Variants in PLD3 observed in about 807,000 individuals in gnomAD.
PLD3 encodes 5'-3' exonuclease PLD3.
Under a neutral mutation model 58.4 loss-of-function variants are expected in PLD3, and 31 were observed. The ratio of observed to expected loss-of-function variants is 0.53; its 90% confidence interval spans 0.40 to 0.72. The LOEUF is 0.72. Ranked by LOEUF, PLD3 falls within the 30% of genes least tolerant of loss-of-function variation. The probability of loss-of-function intolerance (pLI) is 0.00; values close to 1 mark genes in which losing one functional copy is unlikely to be tolerated. For missense variants in PLD3, 595 were observed against 659.8 expected, an observed-to-expected ratio of 0.90 and a Z score of 1.08; for synonymous variants, 264 against 273.4, an observed-to-expected ratio of 0.97 and a Z score of 0.34.
chr19:40,378,250 C>A lies in PLD3; in HGVS notation c.*77C>A. 7.3e-7 allele frequency: 1 copy of A among 1,376,108 alleles called. No individual in the cohort carries two copies. The highest frequency in any genetic ancestry group is 1.0e-6 in the Non-Finnish European group (1 of 977,226). 85.2% of individuals were successfully genotyped at this position (1,376,108 alleles called of 1,614,324 possible). A position where few individuals can be genotyped will look rare whatever the true frequency, so the allele number is the denominator to read the frequency against. ...TGCTCTGGGTCACGGTCCCTGTCCC[C>A]GCGCCCCCGCTTCTGTCTGCCCCAT... On this transcript the variant is annotated 3_prime_UTR_variant, in exon 13 of 13. Coordinates refer to ENST00000409735, the MANE Select transcript of PLD3 (RefSeq NM_012268.4).
Position 40,378,284 on chromosome 19 carries a change from C to A in PLD3, c.*111C>A, listed in dbSNP as rs776382708. ...GCTTCTGTCTGCCCCATTGTGGCTC[C>A]TCAGGCTCTCTCCCCTGCTCTCCCA... On this transcript the variant is annotated 3_prime_UTR_variant, in exon 13 of 13. Transcript: ENST00000409735. 4.1e-6 allele frequency: 4 copies of A among 987,492 alleles called. No homozygotes were observed. Among genetic ancestry groups the A allele is most frequent in the Non-Finnish European group, 6.4e-6 (4 of 626,800 alleles). The allele number at this position is 987,492 out of a possible 1,614,324, so 61.2% of individuals were successfully genotyped here. A position where few individuals can be genotyped will look rare whatever the true frequency, so the allele number is the denominator to read the frequency against.
chr19:40,377,996 C>G lies in PLD3; in HGVS notation c.1296C>G (p.Asn432Lys), dbSNP rs1159080126. ...TERATYIGTS[N>K]WSGNYFTETA... Reference sequence around the variant, plus strand: ...CCCATTCCTCTCTAGGAACCTCCAACTGGTCTGGCAACTACTTCACGGAGA... The same window carrying G: ...CCCATTCCTCTCTAGGAACCTCCAAGTGGTCTGGCAACTACTTCACGGAGA... Residue 432 changes from asparagine to lysine, a missense_variant, in exon 13 of 13, where the codon AAC becomes AAG. Coordinates refer to ENST00000409735, the MANE Select transcript of PLD3 (RefSeq NM_012268.4). 1 of 1,612,470 alleles carries G rather than the reference C, an allele frequency of 6.2e-7. No homozygotes were observed. The highest frequency in any genetic ancestry group is 1.1e-5 in the South Asian group (1 of 90,930).
intron 1 of PLD3, among the ~76,000 whole-genome samples, chr19:40,353,823 C>G (rs976605288): frequency 1.3e-5 from 2 of 152,078 alleles, no homozygotes; most frequent in Admixed American, 1.3e-4. Context: ...CATGATCCGC[C>G]CGCCTTGGCC....
At position 40,376,760 on chromosome 19, in the gene PLD3, T is replaced by C. The variant is rs780587128; in HGVS notation, c.1171T>C (p.Ser391Pro). The C allele has an allele frequency of 3.0e-5, 48 of 1,599,722 alleles. No individual in the cohort carries two copies. In the Admixed American group the frequency reaches 7.8e-4, roughly 26 times the overall value. ...TGCCCTGCGTGACAACCATACCCAC[T>C]CTGACATCCAGGTGGTAAGTACTGC... ...LAALRDNHTH[S>P]DIQVKLFVVP... The change falls in exon 11 of 13, where the codon TCT (serine) becomes CCT (proline). Residue 391 changes from serine to proline, a missense_variant. Ser to Pro is a moderately conservative substitution (Grantham distance 74, BLOSUM62 -1). Transcript: ENST00000409735.
At position 40,378,242 on chromosome 19, in the gene PLD3, C is replaced by T. The variant is rs1349533469; in HGVS notation, c.*69C>T. On this transcript the variant is annotated 3_prime_UTR_variant, in exon 13 of 13. Transcript: ENST00000409735. The stretch of plus-strand genomic sequence containing the variant: ...GACCCAGGTGCTCTGGGTCACGGTC[C>T]CTGTCCCCGCGCCCCCGCTTCTGTC... 10 of 1,437,890 alleles carry T rather than the reference C, an allele frequency of 7.0e-6. No individual in the cohort carries two copies. The Admixed American group carries it at 1.5e-4, about 22-fold the overall frequency. 89.1% of individuals were successfully genotyped at this position (1,437,890 alleles called of 1,614,324 possible).
At position 40,374,524 on chromosome 19, in the gene PLD3, T is replaced by C. The variant is rs537053537; in HGVS notation, c.923T>C (p.Leu308Pro). Residue 308 changes from leucine (L) to proline (P), a missense_variant, in exon 10 of 13, where the codon CTG becomes CCG. By Grantham distance (98) the Leu-to-Pro change is moderately conservative. Transcript: ENST00000409735. ...PLCPSGRTPDLKALLNVVDNA... is the reference protein window; with the variant it reads ...PLCPSGRTPDPKALLNVVDNA... ...TGTCCAAGTGGCCGCACTCCAGACC[T>C]GAAGGCTCTACTCAACGTGGTGGAC... The C allele has an allele frequency of 6.8e-6, 11 of 1,614,056 alleles. No homozygotes were observed. Among genetic ancestry groups the C allele is most frequent in the Non-Finnish European group, 7.6e-6 (9 of 1,180,036 alleles).
In PLD3 at chr19:40,376,623, T is replaced by C. The variant is rs766309878; in HGVS notation, c.1034T>C (p.Ile345Thr). Reference sequence around the variant, plus strand: ...CCCGTCCTCAGGTTCTGGCCTGCCATTGACGATGGGCTGCGGCGGGCCACC... The same window carrying C: ...CCCGTCCTCAGGTTCTGGCCTGCCACTGACGATGGGCTGCGGCGGGCCACC... ...FSHPHRFWPA[I>T]DDGLRRATYE... The change falls in exon 11 of 13, where the codon ATT (isoleucine) becomes ACT (threonine). Residue 345 changes from isoleucine to threonine, a missense_variant. Coordinates refer to ENST00000409735, the MANE Select transcript of PLD3 (RefSeq NM_012268.4). 3 of 1,609,818 alleles carry C rather than the reference T, an allele frequency of 1.9e-6. No homozygotes were observed. The highest frequency in any genetic ancestry group is 2.5e-6 in the Non-Finnish European group (3 of 1,179,916).
In PLD3 at chr19:40,378,214, GCGGACCCAGGTGCTCTGGGTCA is replaced by G; in HGVS notation, c.*45_*66del. Reference sequence around the variant, plus strand: ...GCAGGCCAAGGCCTGCTGGGCCCCCGCGGACCCAGGTGCTCTGGGTCACGGTCCCTGTCCCCGCGCCCCCGCT... The same window carrying G: ...GCAGGCCAAGGCCTGCTGGGCCCCCGCGGTCCCTGTCCCCGCGCCCCCGCT... On this transcript the variant is annotated 3_prime_UTR_variant, in exon 13 of 13. Transcript: ENST00000409735. 1 of 1,572,340 alleles carries G rather than the reference GCGGACCCAGGTGCTCTGGGTCA, an allele frequency of 6.4e-7. No homozygotes were observed. Among genetic ancestry groups the G allele is most frequent in the Non-Finnish European group, 8.7e-7 (1 of 1,153,378 alleles).
At chr19:40,370,294 C>T in intron 8 of PLD3, 57 bp downstream of exon 8, 1 of 1,555,792 alleles carries the variant, frequency 6.4e-7, no homozygotes, top group Non-Finnish European at 8.7e-7. Context: ...CACAGGGCAC[C>T]CAGCCTCCGA....
chr19:40,376,861 A>G, intron 11 of PLD3, 87 bp downstream of exon 11: 1 of 1,283,216 alleles, frequency 7.8e-7, no homozygotes, highest in Non-Finnish European at 1.1e-6. Context: ...GTCAATGACA[A>G]GGGCAGCCCA....
chr19:40,369,820 A>T (rs560641210), intron 6 of PLD3, 88 bp from the exon 7 acceptor site: 1 of 1,258,628 alleles, frequency 7.9e-7, no homozygotes, highest in Non-Finnish European at 1.1e-6. Flanking sequence ...ACTCCTAATC[A>T]TGTCTCAAAA....
intron 1 of PLD3, among the ~76,000 whole-genome samples, chr19:40,352,498 T>C (rs2078544523): frequency 6.6e-6 from 1 of 151,838 alleles, no homozygotes; most frequent in Non-Finnish European, 1.5e-5. Context: ...CCATTTCCTC[T>C]CTCTTTTTTT....
chr19:40,364,130 C>T (rs145087519), intron 1 of PLD3, among the ~76,000 whole-genome samples: 1 of 150,380 alleles, frequency 6.6e-6, no homozygotes, highest in South Asian at 2.1e-4. Flanking sequence ...CCAAGGCAGG[C>T]GGATCACGAG....
intron 10 of PLD3, 82 bp downstream of exon 10, chr19:40,374,702 G>A (rs1453634889): frequency 2.7e-6 from 4 of 1,486,252 alleles, no homozygotes; most frequent in South Asian, 1.2e-5. Context: ...GAAAGCTGGT[G>A]GGGGCTCCAG....
chr19:40,377,465 G>C (rs1042866771), intron 11 of PLD3, among the ~76,000 whole-genome samples: 8 of 151,542 alleles, frequency 5.3e-5, no homozygotes, highest in African/African-American at 1.9e-4. Flanking sequence ...GGCTGGGGTG[G>C]GGATGCCCAG....
At chr19:40,369,491 C>T (rs900737819) in intron 6 of PLD3, among the ~76,000 whole-genome samples, 2 of 152,236 alleles carry the variant, frequency 1.3e-5, no homozygotes, top group Non-Finnish European at 2.9e-5. Context: ...AGGCCTAGAA[C>T]AGGGCCTGGC....
Position 40,374,544 on chromosome 19 carries a change from G to A in PLD3, c.943G>A (p.Val315Met), listed in dbSNP as rs753643764. ...AGACCTGAAGGCTCTACTCAACGTG[G>A]TGGACAATGCCCGGAGTTTCATCTA... ...TPDLKALLNV[V>M]DNARSFIYVA... is the part of the protein sequence containing the mutation. Residue 315 changes from valine to methionine, a missense_variant, in exon 10 of 13, where the codon GTG becomes ATG. Val to Met is a conservative substitution (Grantham distance 21, BLOSUM62 1). Transcript: ENST00000409735. 6.2e-7 allele frequency: 1 copy of A among 1,614,186 alleles called. No homozygotes were observed. The highest frequency in any genetic ancestry group is 1.1e-5 in the South Asian group (1 of 91,082).
chr19:40,366,081 C>G (rs2078914003), intron 2 of PLD3, 151 bp downstream of exon 2: 1 of 262,764 alleles, frequency 3.8e-6, no homozygotes, highest in Admixed American at 5.1e-5. Context: ...AAAAGCCAGG[C>G]ACAAAGACCT....
intron 6 of PLD3, 152 bp downstream of exon 6, chr19:40,368,031 CGT>C: frequency 1.5e-6 from 1 of 665,332 alleles, no homozygotes; most frequent in African/African-American, 1.8e-5. Flanking sequence ...AAGCAGCTGT[CGT>C]CACGTGGCTC....
Sources: gnomAD v4.1 joint callset for allele counts (sites outside exome capture counted in the v4.1 genomes callset) on GRCh38, gnomAD v4.1.1 for gene constraint, MANE v1.5 for transcripts, NCBI Gene and HGNC (gene_info 2026-07-23, HGNC 2026-07-21) for gene names.